PRKCI: variants seen among roughly 807,000 people sequenced by gnomAD.
The protein encoded by PRKCI is protein kinase C iota type.
A neutral mutation model predicts 84.0 loss-of-function variants in PRKCI; 43 were observed. The ratio of observed to expected loss-of-function variants is 0.51; its 90% CI spans 0.40 to 0.66. The LOEUF is 0.66. Among genes scored for constraint, PRKCI ranks in the 30% least tolerant of loss-of-function variants. The pLI is 0.00. For synonymous variants in PRKCI, 216 were observed against 234.4 expected (o/e 0.92, Z 0.72); for missense variants, 459 against 745.6 (o/e 0.62, Z 4.48).
chr3:170,243,874 T>C (rs1156798057), intron 2 of PRKCI, among the ~76,000 whole-genome samples: 1 of 152,210 alleles, frequency 6.6e-6, no homozygotes, highest in Non-Finnish European at 1.5e-5. Context: ...AAATTCTGGC[T>C]GCCATCTTTT....
At chr3:170,301,749 C>T (rs1734825060) in intron 17 of PRKCI, among the ~76,000 whole-genome samples, 1 of 152,172 alleles carries the variant, frequency 6.6e-6, no homozygotes, top group South Asian at 2.1e-4. Flanking sequence ...TATCAGCCTC[C>T]TAATTGATCT....
chr3:170,271,165 G>A (rs1396229724), intron 6 of PRKCI, among the ~76,000 whole-genome samples: 7 of 152,024 alleles, frequency 4.6e-5, no homozygotes, highest in Non-Finnish European at 8.8e-5. Context: ...AAATTTATAT[G>A]CATAAACATT....
At chr3:170,257,811 C>T (rs1303940852) in intron 2 of PRKCI, among the ~76,000 whole-genome samples, 2 of 151,912 alleles carry the variant, frequency 1.3e-5, no homozygotes, top group Admixed American at 6.6e-5. Context: ...ACAACAGGCA[C>T]GTGCCACCAC....
chr3:170,257,591 T>A (rs1212698420), intron 2 of PRKCI, among the ~76,000 whole-genome samples: 1 of 152,196 alleles, frequency 6.6e-6, no homozygotes, highest in Non-Finnish European at 1.5e-5. Context: ...CCTCCAGTTT[T>A]AGTCTCTAGT....
chr3:170,236,244 G>A (rs1732973056), intron 2 of PRKCI, among the ~76,000 whole-genome samples: 1 of 151,194 alleles, frequency 6.6e-6, no homozygotes, highest in Non-Finnish European at 1.5e-5. Context: ...TGGGATACAG[G>A]GGTGCACCAC....
intron 2 of PRKCI, among the ~76,000 whole-genome samples, chr3:170,239,033 CAT>C (rs1254639241): frequency 6.6e-6 from 1 of 152,220 alleles, no homozygotes; most frequent in African/African-American, 2.4e-5. Flanking sequence ...TATGTCAAAA[CAT>C]ATGTATATCA....
chr3:170,250,316 AC>A (rs896764256), intron 2 of PRKCI, among the ~76,000 whole-genome samples: 3 of 151,852 alleles, frequency 2.0e-5, no homozygotes, highest in South Asian at 4.2e-4. Flanking sequence ...AAAAAAAAAA[AC>A]AACTTTGCTA....
rs1378206361 is a variant in PRKCI at position 170,304,423 on chromosome 3, A to G, written c.*1296A>G. 6.6e-6 allele frequency: 1 copy of G among 152,222 alleles called. No homozygotes were observed. The highest frequency in any genetic ancestry group is 2.4e-5 in the African/African-American group (1 of 41,458). 9.4% of individuals were successfully genotyped at this position (152,222 alleles called of 1,614,324 possible). On this transcript the variant is annotated 3_prime_UTR_variant, in exon 18 of 18. Coordinates refer to ENST00000295797, the MANE Select transcript of PRKCI (RefSeq NM_002740.6). ...TAATATTTTTTCCTTATAATTTAGC[A>G]TACAGGAAAAGTATTTATTTTTTAA...
chr3:170,297,036 TTC>T (rs1553845969), intron 15 of PRKCI, among the ~76,000 whole-genome samples: 1 of 152,242 alleles, frequency 6.6e-6, no homozygotes, highest in Non-Finnish European at 1.5e-5. Flanking sequence ...GATTCTGCTG[TTC>T]TCTTTTTCCT....
intron 16 of PRKCI, among the ~76,000 whole-genome samples, chr3:170,297,631 T>G (rs1734717072): frequency 2.0e-5 from 3 of 151,636 alleles, no homozygotes. Context: ...TTTGTATTTT[T>G]AGTAGAGATG....
At chr3:170,225,043 C>A (rs1298809334) in intron 1 of PRKCI, among the ~76,000 whole-genome samples, 3 of 152,122 alleles carry the variant, frequency 2.0e-5, no homozygotes, top group Admixed American at 1.3e-4. Context: ...CTTATTGCTC[C>A]AGTTATTAAA....
chr3:170,269,410 C>G (rs1220410065), intron 5 of PRKCI, among the ~76,000 whole-genome samples: 2 of 152,182 alleles, frequency 1.3e-5, no homozygotes, highest in Non-Finnish European at 2.9e-5. Context: ...GCCTGTAATC[C>G]CAGCAGTTTG....
chr3:170,253,178 G>A (rs1733496864), intron 2 of PRKCI, among the ~76,000 whole-genome samples: 1 of 152,098 alleles, frequency 6.6e-6, no homozygotes, highest in Non-Finnish European at 1.5e-5. Context: ...TCAATATACT[G>A]ATTTCCTTTC....
chr3:170,257,688 A>G (rs1317215109), intron 2 of PRKCI, among the ~76,000 whole-genome samples: 1 of 148,284 alleles, frequency 6.7e-6, no homozygotes, highest in Non-Finnish European at 1.5e-5. Context: ...TTTTGAGACA[A>G]AGTCTCGCTC....
intron 2 of PRKCI, among the ~76,000 whole-genome samples, chr3:170,235,566 C>CTTTTTTTTT (rs199938459): frequency 7.3e-6 from 1 of 136,240 alleles, no homozygotes; most frequent in Non-Finnish European, 1.6e-5. Flanking sequence ...ATTAACTTGA[C>CTTTTTTTTT]TTTTTTTTTT....
chr3:170,255,086 G>A (rs973479513), intron 2 of PRKCI, among the ~76,000 whole-genome samples: 2 of 86,322 alleles, frequency 2.3e-5, no homozygotes, highest in African/African-American at 9.5e-5. Flanking sequence ...TTGAGACAGA[G>A]TTTCACTTTT....
chr3:170,280,961 A>C (rs1040763005), intron 9 of PRKCI, among the ~76,000 whole-genome samples: 1 of 152,182 alleles, frequency 6.6e-6, no homozygotes, highest in Non-Finnish European at 1.5e-5. Flanking sequence ...AGCTTTGTAA[A>C]AGTTTTCTAG....
chr3:170,293,983 C>G (rs1229115557), intron 14 of PRKCI, among the ~76,000 whole-genome samples: 1 of 152,118 alleles, frequency 6.6e-6, no homozygotes, highest in Admixed American at 6.5e-5. Flanking sequence ...CACCTGGCCT[C>G]TGTGTATTAG....
At chr3:170,229,896 A>T (rs905168617) in intron 1 of PRKCI, among the ~76,000 whole-genome samples, 1 of 152,130 alleles carries the variant, frequency 6.6e-6, no homozygotes, top group Non-Finnish European at 1.5e-5. Flanking sequence ...AGTATCTTTT[A>T]TATATTAATG....
Sources: gnomAD v4.1 joint callset for allele counts (sites outside exome capture counted in the v4.1 genomes callset) on GRCh38, gnomAD v4.1.1 for gene constraint, MANE v1.5 for transcripts, NCBI Gene and HGNC (gene_info 2026-07-23, HGNC 2026-07-21) for gene names.